RPS6KC1: variants seen among roughly 807,000 people sequenced by gnomAD.
RPS6KC1 encodes inactive ribosomal protein S6 kinase delta-1.
RPS6KC1 carries 54 observed loss-of-function variants against 103.8 expected under a neutral mutation model. That is an observed-to-expected ratio of 0.52 (90% CI 0.42 to 0.65). The LOEUF is 0.65. Among genes scored for constraint, RPS6KC1 ranks in the 30% least tolerant of loss-of-function variants. The probability of loss-of-function intolerance (pLI) is 0.00; values close to 1 mark genes in which losing one functional copy is unlikely to be tolerated. For synonymous variants in RPS6KC1, 439 were observed against 438.7 expected (o/e 1.00, Z -0.01); for missense variants, 1,151 against 1,253.8 (o/e 0.92, Z 1.24).
At chr1:213,398,139 C>T in the RPS6KC1 span, among the ~76,000 whole-genome samples, 2 of 150,620 alleles carry the variant, frequency 1.3e-5, no homozygotes, top group Non-Finnish European at 2.9e-5. Flanking sequence ...TCAAGCGATT[C>T]TTCTGCCTCA....
the RPS6KC1 span, among the ~76,000 whole-genome samples, chr1:213,374,806 A>T: frequency 6.6e-6 from 1 of 152,178 alleles, no homozygotes; most frequent in Non-Finnish European, 1.5e-5. Flanking sequence ...TAGGCTGGGG[A>T]CAGAAAGGGA....
At chr1:213,581,133 G>A in the RPS6KC1 span, among the ~76,000 whole-genome samples, 7 of 152,030 alleles carry the variant, frequency 4.6e-5, no homozygotes, top group African/African-American at 1.4e-4. Flanking sequence ...AGGGCATAGT[G>A]ACATGGCCCT....
At chr1:213,375,364 A>G in the RPS6KC1 span, among the ~76,000 whole-genome samples, 1 of 152,176 alleles carries the variant, frequency 6.6e-6, no homozygotes, top group Admixed American at 6.5e-5. Flanking sequence ...TATTTAATAA[A>G]TACATATTTT....
intron 8 of RPS6KC1, among the ~76,000 whole-genome samples, chr1:213,206,500 G>A (rs2093353608): frequency 6.6e-6 from 1 of 152,158 alleles, no homozygotes; most frequent in African/African-American, 2.4e-5. Flanking sequence ...TACATAAGTT[G>A]TAAAGCAGCA....
chr1:213,153,348 CATT>C (rs1241214632), intron 6 of RPS6KC1, among the ~76,000 whole-genome samples: 2 of 151,896 alleles, frequency 1.3e-5, no homozygotes, highest in Non-Finnish European at 2.9e-5. Flanking sequence ...GAGGCAGAGG[CATT>C]ATATGTTTTT....
the RPS6KC1 span, among the ~76,000 whole-genome samples, chr1:213,496,421 A>C: frequency 3.9e-5 from 6 of 152,308 alleles, no homozygotes; most frequent in Admixed American, 1.3e-4. Flanking sequence ...AATGATCTTT[A>C]GTATTAAAAC....
At chr1:213,645,346 C>T in the RPS6KC1 span, among the ~76,000 whole-genome samples, 3 of 152,100 alleles carry the variant, frequency 2.0e-5, no homozygotes, top group African/African-American at 7.2e-5. Flanking sequence ...ACAAGGTAAA[C>T]AAAAGCCATT....
the RPS6KC1 span, among the ~76,000 whole-genome samples, chr1:213,602,106 TTCTTTCTTTCTTTC>T: frequency 1.0e-3 from 36 of 34,636 alleles, no homozygotes; most frequent in East Asian, 2.6e-3. Flanking sequence ...CTTTCTTTCT[TTCTTTCTTTCTTTC>T]TCTTTCTTTC....
the RPS6KC1 span, among the ~76,000 whole-genome samples, chr1:213,798,089 C>T: frequency 3.3e-5 from 5 of 152,252 alleles, no homozygotes; most frequent in East Asian, 9.7e-4. Context: ...TGTGCTGGAC[C>T]CATCATCGGG....
chr1:213,344,013 A>G, the RPS6KC1 span, among the ~76,000 whole-genome samples: 11 of 152,206 alleles, frequency 7.2e-5, no homozygotes, highest in Non-Finnish European at 1.3e-4. Context: ...AAATAAAAGC[A>G]ATTTTCAGAG....
the RPS6KC1 span, among the ~76,000 whole-genome samples, chr1:213,781,548 C>T: frequency 2.0e-5 from 3 of 151,994 alleles, no homozygotes; most frequent in Non-Finnish European, 2.9e-5. Context: ...TTTTTTTCCA[C>T]GTGTGAATTT....
chr1:213,598,664 T>A, the RPS6KC1 span, among the ~76,000 whole-genome samples: 1 of 152,160 alleles, frequency 6.6e-6, no homozygotes, highest in Non-Finnish European at 1.5e-5. Flanking sequence ...ACACCTGTAA[T>A]CTCAGCACTT....
At chr1:213,768,520 G>A in the RPS6KC1 span, among the ~76,000 whole-genome samples, 2 of 152,212 alleles carry the variant, frequency 1.3e-5, no homozygotes, top group Non-Finnish European at 2.9e-5. Flanking sequence ...AATTGCATTT[G>A]AAAGATTCCT....
downstream of RPS6KC1, among the ~76,000 whole-genome samples, chr1:213,275,115 C>T (rs150469290): frequency 2.1e-3 from 316 of 152,276 alleles, 1 homozygote; most frequent in African/African-American, 7.0e-3. Flanking sequence ...AAGGTTCGTC[C>T]ATGCTGTAGC....
chr1:213,293,062 A>T, the RPS6KC1 span, among the ~76,000 whole-genome samples: 1 of 152,228 alleles, frequency 6.6e-6, no homozygotes, highest in Non-Finnish European at 1.5e-5. Flanking sequence ...ACATGACAGC[A>T]TCTCCTCATT....
At chr1:213,405,696 T>A in the RPS6KC1 span, among the ~76,000 whole-genome samples, 1 of 152,236 alleles carries the variant, frequency 6.6e-6, no homozygotes, top group East Asian at 1.9e-4. Flanking sequence ...GGATGAATGT[T>A]TGACAAGAAT....
the RPS6KC1 span, among the ~76,000 whole-genome samples, chr1:213,796,772 G>A: frequency 1.3e-5 from 2 of 152,146 alleles, no homozygotes; most frequent in South Asian, 4.1e-4. Flanking sequence ...AAGTCCAAAG[G>A]TGAAATGATA....
chr1:213,189,957 T>C (rs1487415099), intron 8 of RPS6KC1, among the ~76,000 whole-genome samples: 1 of 152,210 alleles, frequency 6.6e-6, no homozygotes, highest in Admixed American at 6.5e-5. Context: ...CCTCAGCTTC[T>C]ATCCATGTTG....
the RPS6KC1 span, among the ~76,000 whole-genome samples, chr1:213,814,234 A>C: frequency 6.6e-6 from 1 of 152,070 alleles, no homozygotes; most frequent in Non-Finnish European, 1.5e-5. Flanking sequence ...CGTGTCTACA[A>C]CTCCAGGAGG....
Sources: allele counts gnomAD v4.1 joint callset (sites outside exome capture counted in the v4.1 genomes callset), GRCh38; gene constraint gnomAD v4.1.1; transcripts MANE v1.5; gene names NCBI Gene and HGNC (gene_info 2026-07-23, HGNC 2026-07-21).